The following MOSMO variants were observed in gnomAD, a reference collection of about 807,000 sequenced individuals.
MOSMO encodes the protein modulator of smoothened.
A neutral mutation model predicts 18.4 loss-of-function variants in MOSMO; 5 were observed. The ratio of observed to expected loss-of-function variants is 0.27; its 90% CI spans 0.14 to 0.57. The LOEUF is 0.57. Among genes scored for constraint, MOSMO ranks in the 20% least tolerant of loss-of-function variants. The probability of loss-of-function intolerance (pLI) is 0.92; values close to 1 mark genes in which losing one functional copy is unlikely to be tolerated. For synonymous variants in MOSMO, 82 were observed against 82.3 expected (o/e 1.00, Z 0.02); for missense variants, 138 against 211.8 (o/e 0.65, Z 2.16).
intron 1 of MOSMO, among the ~76,000 whole-genome samples, chr16:22,063,100 C>T (rs556023296): frequency 2.0e-5 from 3 of 152,138 alleles, no homozygotes; most frequent in Non-Finnish European, 2.9e-5. Context: ...GTGATCCACC[C>T]GCCTCAGCCT....
rs999778866 is a variant in MOSMO, at chr16:22,034,935, T to C, written c.106+26528T>C. ...TTTTTGTAGAGACGGGGTTTTGTCA[T>C]GTTGCCCAGGCTGGTCTCAAACTCC... On this transcript the variant is annotated intron_variant, in intron 1 of 2. Coordinates refer to ENST00000542527, the MANE Select transcript of MOSMO (RefSeq NM_001164579.2). 3.9e-5 allele frequency among the ~76,000 whole-genome samples: 6 copies of C among 151,952 alleles called. 1 individual carries two copies. The highest frequency in any genetic ancestry group is 1.3e-4 in the Admixed American group (2 of 15,240).
At chr16:22,074,691 T>C (rs1006913747) in intron 1 of MOSMO, among the ~76,000 whole-genome samples, 30 of 152,314 alleles carry the variant, frequency 2.0e-4, no homozygotes, top group African/African-American at 6.7e-4. Flanking sequence ...AACATCCTTA[T>C]GGAAAAATAA....
intron 1 of MOSMO, among the ~76,000 whole-genome samples, chr16:22,045,825 G>A (rs1900295863): frequency 6.6e-6 from 1 of 151,526 alleles, no homozygotes; most frequent in Admixed American, 6.6e-5. Flanking sequence ...TGGGGGCCTT[G>A]TCAAGAAAAA....
At position 22,075,320 on chromosome 16, in the gene MOSMO, T is replaced by A. The variant is rs751760717; in HGVS notation, c.107-167T>A. On this transcript the variant is annotated intron_variant, in intron 1 of 2. Coordinates refer to ENST00000542527, the MANE Select transcript of MOSMO (RefSeq NM_001164579.2). ...TTCACTTTGTATGTTAAACTAAGTA[T>A]TACTACGTTATGAACTACAGCAGAT... is the stretch of plus-strand genomic sequence containing the variant. 47 of 703,430 alleles carry A rather than the reference T, an allele frequency of 6.7e-5. 1 individual carries two copies. In the Middle Eastern group the frequency reaches 3.2e-3, roughly 48 times the overall value. The allele number at this position is 703,430 out of a possible 1,614,324, so 43.6% of individuals were successfully genotyped here.
intron 1 of MOSMO, among the ~76,000 whole-genome samples, chr16:22,015,293 C>T (rs1453464171): frequency 6.6e-6 from 1 of 151,976 alleles, no homozygotes; most frequent in African/African-American, 2.4e-5. Flanking sequence ...CTGTGTTTCC[C>T]AGGCTCAAAC....
chr16:22,060,858 A>G (rs763776057), intron 1 of MOSMO, among the ~76,000 whole-genome samples: 1 of 151,912 alleles, frequency 6.6e-6, no homozygotes, highest in African/African-American at 2.4e-5. Context: ...GGGCAACAGG[A>G]GCAAAACTCT....
At chr16:22,009,598 G>T (rs1305242551) in intron 1 of MOSMO, among the ~76,000 whole-genome samples, 1 of 151,960 alleles carries the variant, frequency 6.6e-6, no homozygotes, top group Non-Finnish European at 1.5e-5. Flanking sequence ...TTTTTTAACT[G>T]CTTGTTCAGT....
chr16:22,056,365 C>CTTTTTTTTTTTT (rs35642716), intron 1 of MOSMO, among the ~76,000 whole-genome samples: 139 of 54,540 alleles, frequency 2.5e-3, no homozygotes, highest in Non-Finnish European at 3.1e-3. Flanking sequence ...TTCTTTCTTT[C>CTTTTTTTTTTTT]TTTTTTTTTT....
At chr16:22,027,269 C>A (rs1342543770) in intron 1 of MOSMO, among the ~76,000 whole-genome samples, 1 of 152,184 alleles carries the variant, frequency 6.6e-6, no homozygotes, top group Non-Finnish European at 1.5e-5. Flanking sequence ...AAATGCGCCA[C>A]TTGTCTGGGG....
chr16:22,071,714 A>G lies in MOSMO; in HGVS notation c.107-3773A>G, dbSNP rs958972157. 3.3e-5 allele frequency among the ~76,000 whole-genome samples: 5 copies of G among 152,082 alleles called. No individual in the cohort carries two copies. In the South Asian group the frequency reaches 6.2e-4, roughly 19 times the overall value. On this transcript the variant is annotated intron_variant, in intron 1 of 2. Coordinates refer to ENST00000542527, the MANE Select transcript of MOSMO (RefSeq NM_001164579.2). Reference sequence around the variant, plus strand: ...TTCCATTTCCTTTTTCCTATTGTGTACAAGTCTTTTATTTGGCTGGGTTAG... The same window carrying G: ...TTCCATTTCCTTTTTCCTATTGTGTGCAAGTCTTTTATTTGGCTGGGTTAG...
At chr16:22,085,858 C>T (rs1901162968), downstream of MOSMO, 1 of 152,114 alleles carries the variant, frequency 6.6e-6, no homozygotes, top group African/African-American at 2.4e-5. Flanking sequence ...TATTTTCAAG[C>T]ACATTCAAGG....
downstream of MOSMO, among the ~76,000 whole-genome samples, chr16:22,091,309 C>T (rs1189528333): frequency 6.6e-6 from 1 of 152,184 alleles, no homozygotes; most frequent in Non-Finnish European, 1.5e-5. Flanking sequence ...TTGTTTCTGA[C>T]CTGGCCTATA....
chr16:22,020,653 G>A (rs1899741497), intron 1 of MOSMO, among the ~76,000 whole-genome samples: 1 of 152,120 alleles, frequency 6.6e-6, no homozygotes, highest in South Asian at 2.1e-4. Flanking sequence ...GATTCTCTGG[G>A]TCAATACGGA....
chr16:22,055,467 G>A (rs917354979), intron 1 of MOSMO, among the ~76,000 whole-genome samples: 4 of 152,158 alleles, frequency 2.6e-5, no homozygotes, highest in Non-Finnish European at 5.9e-5. Context: ...GACATTTACA[G>A]TACCACAACA....
At chr16:22,039,672 A>G (rs756343562) in intron 1 of MOSMO, among the ~76,000 whole-genome samples, 3 of 152,202 alleles carry the variant, frequency 2.0e-5, no homozygotes, top group Non-Finnish European at 2.9e-5. Context: ...TCTCTTACAA[A>G]AAAAGAATTC....
intron 1 of MOSMO, among the ~76,000 whole-genome samples, chr16:22,049,892 G>C (rs1900388228): frequency 6.6e-6 from 1 of 152,058 alleles, no homozygotes. Flanking sequence ...ATATATCCTA[G>C]CTCTCTTGGG....
At chr16:22,048,825 GTTCTCTTTT>G (rs1473559711) in intron 1 of MOSMO, among the ~76,000 whole-genome samples, 2 of 152,008 alleles carry the variant, frequency 1.3e-5, no homozygotes, top group Non-Finnish European at 2.9e-5. Context: ...CACGTTTATA[GTTCTCTTTT>G]TTATGTTTAG....
At chr16:22,019,771 G>T (rs1899715569) in intron 1 of MOSMO, among the ~76,000 whole-genome samples, 1 of 152,120 alleles carries the variant, frequency 6.6e-6, no homozygotes, top group African/African-American at 2.4e-5. Flanking sequence ...GTGATAGTAG[G>T]ATATGCAAGA....
intron 1 of MOSMO, among the ~76,000 whole-genome samples, chr16:22,027,110 G>A (rs1899892061): frequency 6.6e-6 from 1 of 152,146 alleles, no homozygotes. Flanking sequence ...AGGAAGTAAG[G>A]TGGGCAATCA....
Sources: gnomAD v4.1 joint callset for allele counts (sites outside exome capture counted in the v4.1 genomes callset) on GRCh38, gnomAD v4.1.1 for gene constraint, MANE v1.5 for transcripts, NCBI Gene and HGNC (gene_info 2026-07-23, HGNC 2026-07-21) for gene names.